EBF2: variants seen among roughly 807,000 people sequenced by gnomAD.
EBF2 encodes EBF transcription factor 2.
EBF2 carries 21 observed loss-of-function variants against 72.8 expected under a neutral mutation model. The observed-to-expected ratio is 0.29, with a 90% confidence interval of 0.20 to 0.42. The LOEUF (loss-of-function observed/expected upper bound fraction) is 0.42. Among genes scored for constraint, EBF2 ranks in the 10% least tolerant of loss-of-function variants. EBF2 has a pLI of 1.00. For synonymous variants in EBF2, 299 were observed against 274.2 expected (o/e 1.09, Z -0.89); for missense variants, 637 against 731.2 (o/e 0.87, Z 1.49).
chr8:25,976,832 G>A (rs181526583), intron 6 of EBF2, among the ~76,000 whole-genome samples: 103 of 152,182 alleles, frequency 6.8e-4, no homozygotes, highest in African/African-American at 2.3e-3. Flanking sequence ...AAACAGAATC[G>A]GATAATAAAG....
Position 25,949,353 on chromosome 8 carries a change from T to C in EBF2, c.552-40798A>G, listed in dbSNP as rs529475116. ...TACTAAAAGTACCCCCATAATCACA[T>C]TGGAAGTTTGATCATTTTTTAAAAA... is the stretch of plus-strand genomic sequence containing the variant. On this transcript the variant is annotated intron_variant, in intron 6 of 15. Transcript: ENST00000520164. 3.3e-5 allele frequency among the ~76,000 whole-genome samples: 5 copies of C among 152,280 alleles called. No individual in the cohort carries two copies. In the East Asian group the frequency reaches 9.7e-4, roughly 29 times the overall value.
Position 25,935,118 on chromosome 8 carries a change from G to C in EBF2, c.552-26563C>G, listed in dbSNP as rs147716368. Among the ~76,000 whole-genome samples, 539 of 152,190 alleles carry C rather than the reference G, an allele frequency of 3.5e-3. 7 individuals carry two copies. The highest frequency in any genetic ancestry group is 0.012 in the African/African-American group (499 of 41,512). On this transcript the variant is annotated intron_variant, in intron 6 of 15. Coordinates refer to ENST00000520164, the MANE Select transcript of EBF2 (RefSeq NM_022659.4). ...TTTTTTTAAGTGGCTTTTTTGGATG[G>C]TGGTACCCAAGGCCCCCCATCCTTC...
chr8:25,972,387 C>T (rs1214004231), intron 6 of EBF2, among the ~76,000 whole-genome samples: 2 of 151,928 alleles, frequency 1.3e-5, no homozygotes, highest in Admixed American at 6.6e-5. Flanking sequence ...TTGGGGGTGG[C>T]TTTGGGGTGG....
intron 6 of EBF2, among the ~76,000 whole-genome samples, chr8:25,986,035 G>A (rs1804449873): frequency 1.4e-5 from 1 of 70,034 alleles, no homozygotes; most frequent in Non-Finnish European, 2.9e-5. Context: ...AGTACATGAG[G>A]GGTTGGGAAG....
intron 7 of EBF2, 105 bp downstream of exon 7, chr8:25,908,369 T>TA (rs1330920584): frequency 1.3e-6 from 1 of 791,522 alleles, no homozygotes; most frequent in African/African-American, 1.8e-5. Flanking sequence ...TTGTTAGGAG[T>TA]AGCAGTGAAT....
intron 6 of EBF2, among the ~76,000 whole-genome samples, chr8:25,949,897 T>G (rs1428491233): frequency 1.3e-5 from 2 of 152,204 alleles, no homozygotes; most frequent in Admixed American, 1.3e-4. Flanking sequence ...GGATGACAGT[T>G]TTGGTGAAAT....
intron 6 of EBF2, among the ~76,000 whole-genome samples, chr8:26,002,214 G>T (rs577519988): frequency 1.3e-5 from 2 of 152,274 alleles, no homozygotes; most frequent in African/African-American, 4.8e-5. Flanking sequence ...TCTTGCCTAA[G>T]GCAACATGAA....
intron 6 of EBF2, among the ~76,000 whole-genome samples, chr8:25,992,640 C>T (rs1019398190): frequency 6.6e-6 from 1 of 152,182 alleles, no homozygotes; most frequent in African/African-American, 2.4e-5. Context: ...GGGTGGCTCA[C>T]TCCTGTAATC....
At chr8:25,933,563 G>A (rs1242710387) in intron 6 of EBF2, among the ~76,000 whole-genome samples, 2 of 152,010 alleles carry the variant, frequency 1.3e-5, no homozygotes, top group Admixed American at 6.5e-5. Context: ...CTTTGACCCC[G>A]CAATTCTATT....
chr8:26,044,620 TG>T lies in EBF2; in HGVS notation c.131+108del. 4 of 1,460,928 alleles carry T rather than the reference TG, an allele frequency of 2.7e-6. No homozygotes were observed. Among genetic ancestry groups the T allele is most frequent in the Non-Finnish European group, 2.8e-6 (3 of 1,080,798 alleles). The allele number at this position is 1,460,928 out of a possible 1,614,324, so 90.5% of individuals were successfully genotyped here. ...CAGCGCGCAGGGCCTGGGCGACAGA[TG>T]GGGGGACAGGGAGAGAGAAAGGCAC... On this transcript the variant is annotated intron_variant, in intron 1 of 15. Coordinates refer to ENST00000520164, the MANE Select transcript of EBF2 (RefSeq NM_022659.4). This position sits in a 1 kb window ranked among gnomAD's most constrained non-coding sequence, Gnocchi z 4.1.
chr8:25,854,510 AT>A (rs1367257437), intron 14 of EBF2, among the ~76,000 whole-genome samples: 1 of 152,180 alleles, frequency 6.6e-6, no homozygotes, highest in Non-Finnish European at 1.5e-5. Flanking sequence ...AATTTTCAAA[AT>A]GTATCTATCC....
chr8:25,929,484 T>C (rs1198172141), intron 6 of EBF2, among the ~76,000 whole-genome samples: 1 of 152,194 alleles, frequency 6.6e-6, no homozygotes, highest in African/African-American at 2.4e-5. Context: ...GCTTACTCTG[T>C]TTTTAAGGCA....
At chr8:25,851,731 A>ACCAAG (rs1563374427) in intron 14 of EBF2, among the ~76,000 whole-genome samples, 1 of 152,192 alleles carries the variant, frequency 6.6e-6, no homozygotes, top group Non-Finnish European at 1.5e-5. Context: ...GAGCCTAATG[A>ACCAAG]CCAAGCCCAG....
chr8:25,860,921 T>C (rs1802201300), intron 13 of EBF2, 128 bp downstream of exon 13: 2 of 973,968 alleles, frequency 2.1e-6, no homozygotes, highest in Non-Finnish European at 3.2e-6. Flanking sequence ...TAACCCAATC[T>C]ATGATTGTAT....
rs1198166331 is a variant in EBF2, at chr8:26,044,290, G to A, written c.131+439C>T. On this transcript the variant is annotated intron_variant, in intron 1 of 15. Transcript: ENST00000520164. The surrounding 1 kb of genome is among the most constrained non-coding windows in gnomAD (Gnocchi z 4.1). ...TCCAGGAATCGCCCAGCAAGATGCGGGAGGTAGGCGCTCGCAGGCGGCGTG... is the reference window on the plus strand; with the variant it reads ...TCCAGGAATCGCCCAGCAAGATGCGAGAGGTAGGCGCTCGCAGGCGGCGTG... 6.6e-6 allele frequency among the ~76,000 whole-genome samples: 1 copy of A among 152,150 alleles called. No homozygotes were observed. The highest frequency in any genetic ancestry group is 1.9e-4 in the East Asian group (1 of 5,166).
Position 25,948,071 on chromosome 8 carries a change from G to GCATT in EBF2, c.552-39520_552-39517dup, listed in dbSNP as rs376459361. Among the ~76,000 whole-genome samples, 894 of 152,212 alleles carry GCATT rather than the reference G, an allele frequency of 5.9e-3. 2 individuals are homozygous for GCATT. Among genetic ancestry groups the GCATT allele is most frequent in the South Asian group, 0.017 (80 of 4,818 alleles). On this transcript the variant is annotated intron_variant, in intron 6 of 15. Coordinates refer to ENST00000520164, the MANE Select transcript of EBF2 (RefSeq NM_022659.4). ...TCCTCCAAAAGGCTTAGGTGGCCAA[G>GCATT]CATTCATTCATTCATTCATTCATTC...
At chr8:25,871,392 A>C (rs1020934669) in intron 10 of EBF2, among the ~76,000 whole-genome samples, 6 of 152,238 alleles carry the variant, frequency 3.9e-5, no homozygotes, top group African/African-American at 1.4e-4. Flanking sequence ...AGGGATACAG[A>C]GAAGTGCTGG....
intron 6 of EBF2, among the ~76,000 whole-genome samples, chr8:25,986,244 T>C (rs1804455474): frequency 6.6e-6 from 1 of 152,082 alleles, no homozygotes. Flanking sequence ...AGCCCCCACC[T>C]AGAATGCCCT....
chr8:25,983,383 A>T (rs975916321), intron 6 of EBF2, among the ~76,000 whole-genome samples: 2 of 152,212 alleles, frequency 1.3e-5, no homozygotes. Flanking sequence ...AAAGGGCTGA[A>T]AGTTACAGCG....
Sources: gnomAD v4.1 joint callset for allele counts (sites outside exome capture counted in the v4.1 genomes callset) on GRCh38, gnomAD v4.1.1 for gene constraint, Gnocchi (gnomAD v3.1) non-coding constraint, MANE v1.5 for transcripts, NCBI Gene and HGNC (gene_info 2026-07-23, HGNC 2026-07-21) for gene names.